Variants in SUGCT observed in about 807,000 individuals in gnomAD.
SUGCT encodes succinyl-CoA:glutarate CoA-transferase.
A neutral mutation model predicts 55.0 loss-of-function variants in SUGCT; 41 were observed. That is an observed-to-expected ratio of 0.74 (90% CI 0.58 to 0.97). SUGCT has a LOEUF of 0.97. SUGCT is among the 50% of genes least tolerant of loss of function. The pLI is 0.00. For synonymous variants in SUGCT, 187 were observed against 200.4 expected, an observed-to-expected ratio of 0.93 and a Z score of 0.56; for missense variants, 568 against 547.8, an observed-to-expected ratio of 1.04 and a Z score of -0.37.
chr7:40,835,399 A>G (rs1214437439), intron 13 of SUGCT, among the ~76,000 whole-genome samples: 1 of 152,220 alleles, frequency 6.6e-6, no homozygotes, highest in African/African-American at 2.4e-5. Flanking sequence ...TTTTATGCCC[A>G]AATTCTTCAA....
chr7:40,227,282 C>T (rs1562592804), intron 6 of SUGCT, among the ~76,000 whole-genome samples: 1 of 152,000 alleles, frequency 6.6e-6, no homozygotes, highest in Non-Finnish European at 1.5e-5. Flanking sequence ...CTCCTGACCT[C>T]AAGTGATCCA....
intron 9 of SUGCT, among the ~76,000 whole-genome samples, chr7:40,366,838 A>G (rs1429850874): frequency 2.0e-5 from 3 of 152,152 alleles, no homozygotes; most frequent in Admixed American, 6.5e-5. Context: ...TAGTTCAACC[A>G]TTGTGGAAGT....
At chr7:40,419,393 T>C (rs1336454508) in intron 9 of SUGCT, among the ~76,000 whole-genome samples, 1 of 152,198 alleles carries the variant, frequency 6.6e-6, no homozygotes. Context: ...ATGAATCACT[T>C]GATTCATTAC....
chr7:40,459,627 C>T (rs917666076), intron 11 of SUGCT, among the ~76,000 whole-genome samples: 1 of 152,064 alleles, frequency 6.6e-6, no homozygotes, highest in African/African-American at 2.4e-5. Flanking sequence ...TCTGTTATTT[C>T]CATTTTACAT....
intron 12 of SUGCT, among the ~76,000 whole-genome samples, chr7:40,734,820 G>A (rs1415863973): frequency 6.6e-6 from 1 of 152,196 alleles, no homozygotes; most frequent in Non-Finnish European, 1.5e-5. Context: ...GGCTTCTGAA[G>A]AGGATGAAGC....
chr7:40,460,766 A>G (rs1437024510), intron 11 of SUGCT, among the ~76,000 whole-genome samples: 1 of 152,230 alleles, frequency 6.6e-6, no homozygotes, highest in Non-Finnish European at 1.5e-5. Context: ...GGTGAATTAT[A>G]TAATCTGCAA....
chr7:40,681,770 T>C (rs1016691615), intron 12 of SUGCT, among the ~76,000 whole-genome samples: 2 of 152,112 alleles, frequency 1.3e-5, no homozygotes, highest in Non-Finnish European at 2.9e-5. Flanking sequence ...CTTTTCTCAT[T>C]TGTGGCTGGT....
At chr7:40,582,556 G>C (rs539435672) in intron 12 of SUGCT, among the ~76,000 whole-genome samples, 1 of 152,268 alleles carries the variant, frequency 6.6e-6, no homozygotes, top group East Asian at 1.9e-4. Flanking sequence ...TACCTGTACT[G>C]AAGGTAAGCT....
chr7:40,166,023 G>T (rs763204247), intron 1 of SUGCT, among the ~76,000 whole-genome samples: 3 of 152,218 alleles, frequency 2.0e-5, no homozygotes. Flanking sequence ...TCAGGAGGCT[G>T]AGGCAGGAGA....
intron 11 of SUGCT, among the ~76,000 whole-genome samples, chr7:40,492,635 A>T (rs953466389): frequency 6.6e-6 from 1 of 152,170 alleles, no homozygotes; most frequent in African/African-American, 2.4e-5. Context: ...AGATCTTTGT[A>T]TATATTGCTC....
chr7:40,245,578 T>C (rs1789814477), intron 7 of SUGCT, among the ~76,000 whole-genome samples: 1 of 148,650 alleles, frequency 6.7e-6, no homozygotes, highest in African/African-American at 2.5e-5. Flanking sequence ...TAGCTGGGAC[T>C]ACAGGGGCCC....
chr7:40,363,384 A>G (rs2151228098), intron 9 of SUGCT, among the ~76,000 whole-genome samples: 1 of 152,086 alleles, frequency 6.6e-6, no homozygotes, highest in East Asian at 1.9e-4. Context: ...TTGGTTTTCT[A>G]GTTCTTTTAA....
intron 12 of SUGCT, among the ~76,000 whole-genome samples, chr7:40,725,286 T>G (rs541965452): frequency 4.6e-5 from 7 of 152,314 alleles, no homozygotes; most frequent in African/African-American, 1.2e-4. Flanking sequence ...AGCAGTAATA[T>G]AGAGGACTCT....
the SUGCT span, among the ~76,000 whole-genome samples, chr7:40,983,644 T>A: frequency 6.6e-6 from 1 of 152,198 alleles, no homozygotes; most frequent in Non-Finnish European, 1.5e-5. Context: ...GGTTTGTGTA[T>A]ATAATTGCTT....
chr7:40,754,483 A>C lies in SUGCT; in HGVS notation c.1153+4986A>C, dbSNP rs376131977. Among the ~76,000 whole-genome samples the C allele has an allele frequency of 2.8e-4, 43 of 152,328 alleles. No individual in the cohort carries two copies. In the East Asian group the frequency reaches 2.9e-3, roughly 10 times the overall value. ...TAACTAAACTTACTGTGTCTGGTACACTATTTAAGCTCTGGGGAGAAAACT... is the reference window on the plus strand; with the variant it reads ...TAACTAAACTTACTGTGTCTGGTACCCTATTTAAGCTCTGGGGAGAAAACT... On this transcript the variant is annotated intron_variant, in intron 13 of 13. Coordinates refer to ENST00000335693, the MANE Select transcript of SUGCT (RefSeq NM_001193313.2).
At chr7:40,627,292 A>C (rs978360097) in intron 12 of SUGCT, among the ~76,000 whole-genome samples, 10 of 152,234 alleles carry the variant, frequency 6.6e-5, no homozygotes, top group Non-Finnish European at 5.9e-5. Flanking sequence ...GCAGCCATTC[A>C]AGGGCTGTGG....
At chr7:40,930,054 G>A in the SUGCT span, among the ~76,000 whole-genome samples, 2 of 152,274 alleles carry the variant, frequency 1.3e-5, no homozygotes, top group South Asian at 2.1e-4. Context: ...ATGGTTTTAG[G>A]TCTAACATTT....
chr7:41,015,822 C>T, the SUGCT span, among the ~76,000 whole-genome samples: 2 of 152,068 alleles, frequency 1.3e-5, no homozygotes, highest in Non-Finnish European at 2.9e-5. Context: ...AACATATATC[C>T]CCCAAATATT....
intron 9 of SUGCT, among the ~76,000 whole-genome samples, chr7:40,409,064 C>T (rs1786527215): frequency 1.3e-5 from 2 of 152,138 alleles, no homozygotes; most frequent in Non-Finnish European, 2.9e-5. Context: ...AAGTGATCCT[C>T]CCACCCCAGC....
Sources: allele counts gnomAD v4.1 joint callset (sites outside exome capture counted in the v4.1 genomes callset), GRCh38; gene constraint gnomAD v4.1.1; transcripts MANE v1.5; gene names NCBI Gene and HGNC (gene_info 2026-07-23, HGNC 2026-07-21).